NLGN1: variants seen among roughly 807,000 people sequenced by gnomAD.
NLGN1 encodes the protein neuroligin 1.
A neutral mutation model predicts 65.5 loss-of-function variants in NLGN1; 12 were observed. The observed-to-expected ratio is 0.18, with a 90% CI of 0.12 to 0.30. The LOEUF is 0.30. Among genes scored for constraint, NLGN1 ranks in the 10% least tolerant of loss-of-function variants. NLGN1 has a pLI of 1.00. For synonymous variants in NLGN1, 350 were observed against 359.5 expected (o/e 0.97, Z 0.30); for missense variants, 750 against 1,007.1 (o/e 0.74, Z 3.46).
At chr3:173,824,588 G>A (rs1720959454) in intron 4 of NLGN1, among the ~76,000 whole-genome samples, 1 of 150,826 alleles carries the variant, frequency 6.6e-6, no homozygotes, top group Non-Finnish European at 1.5e-5. Context: ...GTATTGACAT[G>A]TGCACTTATA....
At chr3:173,557,417 A>G (rs1741897140) in intron 2 of NLGN1, among the ~76,000 whole-genome samples, 1 of 152,040 alleles carries the variant, frequency 6.6e-6, no homozygotes. Flanking sequence ...TCTTATCTTT[A>G]AATTATTTAC....
At position 174,024,682 on chromosome 3, in the gene NLGN1, T is replaced by C. The variant is rs1728498869; in HGVS notation, c.646+216850T>C. Among the ~76,000 whole-genome samples the C allele has an allele frequency of 2.0e-5, 3 of 152,184 alleles. No individual in the cohort carries two copies. The South Asian group carries it at 6.2e-4, about 32-fold the overall frequency. ...GCTCTGAAGTCTTCTATCCAAAGCA[T>C]TGAATATTCAGTTAAAAAGTCAGAT... On this transcript the variant is annotated intron_variant, in intron 4 of 6. Coordinates refer to ENST00000457714, the Ensembl canonical transcript of NLGN1.
intron 2 of NLGN1, among the ~76,000 whole-genome samples, chr3:173,571,435 T>C (rs1744634850): frequency 6.6e-6 from 1 of 152,216 alleles, no homozygotes; most frequent in Admixed American, 6.5e-5. Flanking sequence ...ATGAATCTGG[T>C]TATTTAATGG....
At chr3:173,584,401 T>A (rs1746947444) in intron 2 of NLGN1, among the ~76,000 whole-genome samples, 1 of 41,718 alleles carries the variant, frequency 2.4e-5, no homozygotes, top group Non-Finnish European at 5.6e-5. Context: ...TCCTCGGCAT[T>A]TTTTTTTTTT....
intron 4 of NLGN1, among the ~76,000 whole-genome samples, chr3:174,040,623 A>G (rs1732077706): frequency 6.6e-6 from 1 of 152,096 alleles, no homozygotes; most frequent in Non-Finnish European, 1.5e-5. Context: ...AAAAAGAAAC[A>G]TTTGCAAAAC....
At chr3:173,849,717 T>C (rs1015910054) in intron 4 of NLGN1, among the ~76,000 whole-genome samples, 8 of 152,176 alleles carry the variant, frequency 5.3e-5, no homozygotes, top group African/African-American at 1.9e-4. Context: ...TAGCCTCTCG[T>C]ATAAATTTAC....
chr3:174,035,786 G>A (rs1730998874), intron 4 of NLGN1, among the ~76,000 whole-genome samples: 1 of 152,204 alleles, frequency 6.6e-6, no homozygotes, highest in South Asian at 2.1e-4. Context: ...ATAAGAAAGA[G>A]CTTATAGTAT....
At chr3:173,520,526 TCAAAAGCACACA>T (rs1734575681) in intron 2 of NLGN1, among the ~76,000 whole-genome samples, 1 of 152,180 alleles carries the variant, frequency 6.6e-6, no homozygotes, top group Admixed American at 6.5e-5. Flanking sequence ...ATTTCTGTCT[TCAAAAGCACACA>T]GCTGAGTGAG....
chr3:173,688,806 T>C (rs906721883), intron 3 of NLGN1, among the ~76,000 whole-genome samples: 2 of 152,242 alleles, frequency 1.3e-5, no homozygotes, highest in African/African-American at 4.8e-5. Context: ...CAAAATGTCA[T>C]GGACAAAATT....
At chr3:174,038,389 C>G (rs1731588282) in intron 4 of NLGN1, among the ~76,000 whole-genome samples, 1 of 152,088 alleles carries the variant, frequency 6.6e-6, no homozygotes. Context: ...GTTCATGCAC[C>G]AGATTGACAA....
intron 4 of NLGN1, among the ~76,000 whole-genome samples, chr3:174,025,987 G>A (rs1473517313): frequency 6.6e-6 from 1 of 152,032 alleles, no homozygotes; most frequent in Non-Finnish European, 1.5e-5. Context: ...TTTTTTGTCA[G>A]ATATAGTTAT....
intron 2 of NLGN1, among the ~76,000 whole-genome samples, chr3:173,494,234 T>G (rs976882146): frequency 6.6e-6 from 1 of 151,582 alleles, no homozygotes; most frequent in East Asian, 1.9e-4. Context: ...TTCTGGTCAG[T>G]GTATAATGGT....
chr3:174,258,639 T>C (rs1480451690), intron 4 of NLGN1, among the ~76,000 whole-genome samples: 1 of 152,172 alleles, frequency 6.6e-6, no homozygotes, highest in Admixed American at 6.6e-5. Flanking sequence ...ACTAATCTTT[T>C]ACCAGAAATC....
Position 173,599,052 on chromosome 3 carries a change from G to A in NLGN1, c.-320-5227G>A, listed in dbSNP as rs982244622. On this transcript the variant is annotated intron_variant, in intron 2 of 6. Transcript: ENST00000457714. Reference sequence around the variant, plus strand: ...GTGACCAACAGTGTTTGTCCAGATCGTAGTTCTTTTAAGCCCATCTTAAAT... The same window carrying A: ...GTGACCAACAGTGTTTGTCCAGATCATAGTTCTTTTAAGCCCATCTTAAAT... 2.0e-5 allele frequency among the ~76,000 whole-genome samples: 3 copies of A among 152,140 alleles called. 1 individual carries two copies. The highest frequency in any genetic ancestry group is 4.1e-4 in the South Asian group (2 of 4,832).
At chr3:173,980,688 ACTCAT>A (rs1389567774) in intron 4 of NLGN1, among the ~76,000 whole-genome samples, 1 of 148,648 alleles carries the variant, frequency 6.7e-6, no homozygotes, top group Non-Finnish European at 1.5e-5. Context: ...AGTGCTTCAA[ACTCAT>A]CTCATCTTTG....
chr3:173,481,349 A>G lies in NLGN1; in HGVS notation c.-321+46271A>G, dbSNP rs993235163. ...ATGGAAAAGATTGAAAGGAAACTAA[A>G]TATTACACATAAACTGCAATGCAGA... On this transcript the variant is annotated intron_variant, in intron 2 of 6. Coordinates refer to ENST00000457714, the Ensembl canonical transcript of NLGN1. Among the ~76,000 whole-genome samples, 9 of 152,144 alleles carry G rather than the reference A, an allele frequency of 5.9e-5. No individual in the cohort carries two copies. In the East Asian group the frequency reaches 9.6e-4, roughly 16 times the overall value.
chr3:174,175,105 G>T (rs1729205260), intron 4 of NLGN1, among the ~76,000 whole-genome samples: 1 of 151,922 alleles, frequency 6.6e-6, no homozygotes, highest in South Asian at 2.1e-4. Context: ...GTGCTGAGGA[G>T]AAGAATGTAT....
At chr3:173,657,138 C>T (rs1412182863) in intron 3 of NLGN1, among the ~76,000 whole-genome samples, 1 of 151,964 alleles carries the variant, frequency 6.6e-6, no homozygotes, top group African/African-American at 2.4e-5. Flanking sequence ...TTTGGGATCT[C>T]ATGGTGTGTT....
At chr3:174,169,291 G>T (rs1211250987) in intron 4 of NLGN1, among the ~76,000 whole-genome samples, 1 of 152,142 alleles carries the variant, frequency 6.6e-6, no homozygotes, top group East Asian at 1.9e-4. Flanking sequence ...CAGAGGATCT[G>T]CCTGGATATA....
Sources: gnomAD v4.1 joint callset for allele counts (sites outside exome capture counted in the v4.1 genomes callset) on GRCh38, gnomAD v4.1.1 for gene constraint, MANE v1.5 for transcripts, NCBI Gene and HGNC (gene_info 2026-07-23, HGNC 2026-07-21) for gene names.